MACROD2: variants seen among roughly 807,000 people sequenced by gnomAD.
MACROD2 encodes mono-ADP ribosylhydrolase 2, also known as ADP-ribose glycohydrolase MACROD2.
A neutral mutation model predicts 70.4 loss-of-function variants in MACROD2; 36 were observed. The observed-to-expected ratio is 0.51, with a 90% CI of 0.39 to 0.68. The LOEUF (loss-of-function observed/expected upper bound fraction) is 0.68, where lower values mean the gene tolerates loss of function less well. Ranked by LOEUF, MACROD2 falls within the 30% of genes least tolerant of loss-of-function variation. The pLI is 0.00. For synonymous variants in MACROD2, 172 were observed against 178.8 expected, an observed-to-expected ratio of 0.96 and a Z score of 0.30; for missense variants, 496 against 538.4, an observed-to-expected ratio of 0.92 and a Z score of 0.78.
At chr20:14,825,362 C>T (rs2072889800) in intron 5 of MACROD2, among the ~76,000 whole-genome samples, 1 of 152,066 alleles carries the variant, frequency 6.6e-6, no homozygotes, top group East Asian at 1.9e-4. Flanking sequence ...TGACCAGTGA[C>T]AACAGTGTCC....
chr20:15,767,766 A>G (rs1378961427), intron 8 of MACROD2, among the ~76,000 whole-genome samples: 1 of 152,134 alleles, frequency 6.6e-6, no homozygotes, highest in East Asian at 1.9e-4. Flanking sequence ...CTCTGGACTC[A>G]TTTTTATTTC....
At chr20:15,707,705 C>A (rs1189095881) in intron 8 of MACROD2, among the ~76,000 whole-genome samples, 1 of 151,966 alleles carries the variant, frequency 6.6e-6, no homozygotes, top group African/African-American at 2.4e-5. Flanking sequence ...ATCACTTGAA[C>A]CTGGGAGGCA....
chr20:15,430,161 AC>A (rs2046346707), intron 6 of MACROD2, among the ~76,000 whole-genome samples: 2 of 151,868 alleles, frequency 1.3e-5, no homozygotes, highest in African/African-American at 4.8e-5. Flanking sequence ...CCAGTTCTCC[AC>A]TGATGGACAC....
At chr20:14,975,497 C>T (rs1371051603) in intron 5 of MACROD2, among the ~76,000 whole-genome samples, 3 of 151,850 alleles carry the variant, frequency 2.0e-5, no homozygotes, top group Non-Finnish European at 1.5e-5. Flanking sequence ...AGGGTACCTT[C>T]GACAGGTGGG....
rs570304482 is a variant in MACROD2 at position 15,015,247 on chromosome 20, A to C, written c.419-214693A>C. The stretch of plus-strand genomic sequence containing the variant: ...TTTAACATTTGGCTTCTTCAGAGGA[A>C]CTGCAACCAAACTTTAAATTACAGA... On this transcript the variant is annotated intron_variant, in intron 5 of 17. Coordinates refer to ENST00000684519, the MANE Select transcript of MACROD2 (RefSeq NM_001351661.2). 4.6e-5 allele frequency among the ~76,000 whole-genome samples: 7 copies of C among 152,208 alleles called. No homozygotes were observed. In the East Asian group the frequency reaches 1.3e-3, roughly 29 times the overall value.
At chr20:14,757,943 C>G (rs774371481) in intron 5 of MACROD2, 1 of 1,012,370 alleles carries the variant, frequency 9.9e-7, no homozygotes, top group Admixed American at 1.7e-5. Context: ...TACCTACAGA[C>G]GGAGTGCTGT....
At chr20:14,557,758 A>C (rs563228861) in intron 4 of MACROD2, among the ~76,000 whole-genome samples, 4 of 151,948 alleles carry the variant, frequency 2.6e-5, no homozygotes, top group African/African-American at 9.6e-5. Context: ...AAATTAGAAC[A>C]CTTACCCATT....
At chr20:15,236,977 C>G (rs1409969958) in intron 6 of MACROD2, among the ~76,000 whole-genome samples, 1 of 151,982 alleles carries the variant, frequency 6.6e-6, no homozygotes. Context: ...CCTCTAGGGA[C>G]CATTTTGTGA....
chr20:15,809,874 T>TA (rs1555782137), intron 8 of MACROD2, among the ~76,000 whole-genome samples: 148 of 151,662 alleles, frequency 9.8e-4, no homozygotes, highest in African/African-American at 3.6e-3. Context: ...TTTTTTTTTT[T>TA]TTATTATACT....
intron 12 of MACROD2, among the ~76,000 whole-genome samples, chr20:15,965,799 A>G (rs955688895): frequency 3.3e-5 from 5 of 152,194 alleles, no homozygotes; most frequent in African/African-American, 1.2e-4. Flanking sequence ...GACATAAGTT[A>G]GATAACAGTT....
At chr20:15,652,464 T>C (rs748278290) in intron 8 of MACROD2, among the ~76,000 whole-genome samples, 1 of 152,158 alleles carries the variant, frequency 6.6e-6, no homozygotes, top group Non-Finnish European at 1.5e-5. Context: ...CAGTCAGTAA[T>C]ATAGAAAAGA....
chr20:15,833,713 C>T (rs1487806497), intron 8 of MACROD2, among the ~76,000 whole-genome samples: 1 of 152,180 alleles, frequency 6.6e-6, no homozygotes, highest in African/African-American at 2.4e-5. Context: ...ACTTGATTTA[C>T]CAAGCAGGAC....
chr20:14,704,268 C>T (rs748801591), intron 5 of MACROD2, among the ~76,000 whole-genome samples: 3 of 152,112 alleles, frequency 2.0e-5, no homozygotes, highest in Non-Finnish European at 2.9e-5. Flanking sequence ...GCCCTGTTGT[C>T]CCTGAATATA....
intron 13 of MACROD2, among the ~76,000 whole-genome samples, chr20:15,982,700 A>G (rs567688393): frequency 1.6e-3 from 245 of 152,316 alleles, no homozygotes; most frequent in African/African-American, 5.4e-3. Context: ...AGGGTGTTGC[A>G]AACTTCAATG....
intron 5 of MACROD2, among the ~76,000 whole-genome samples, chr20:15,195,988 C>A (rs895527115): frequency 1.3e-5 from 2 of 152,096 alleles, no homozygotes; most frequent in African/African-American, 4.8e-5. Flanking sequence ...GAACAGAAAA[C>A]CAAACACTGC....
chr20:15,037,473 C>T lies in MACROD2; in HGVS notation c.419-192467C>T, dbSNP rs112421654. Among the ~76,000 whole-genome samples, 684 of 152,270 alleles carry T rather than the reference C, an allele frequency of 4.5e-3. 5 individuals carry two copies. Among genetic ancestry groups the T allele is most frequent in the African/African-American group, 0.016 (649 of 41,538 alleles). On this transcript the variant is annotated intron_variant, in intron 5 of 17. Transcript: ENST00000684519. ...GAGCAGGTACTGCTGTTTATGGCCT[C>T]GCCTGAATGTTTGTGGTACAACTCT...
At chr20:16,032,326 G>A (rs1055265948) in intron 15 of MACROD2, among the ~76,000 whole-genome samples, 3 of 151,876 alleles carry the variant, frequency 2.0e-5, no homozygotes, top group Non-Finnish European at 2.9e-5. Flanking sequence ...GACAGGATCC[G>A]TACTCCAAAC....
chr20:14,852,572 T>A (rs993184308), intron 5 of MACROD2, among the ~76,000 whole-genome samples: 1 of 152,028 alleles, frequency 6.6e-6, no homozygotes, highest in Non-Finnish European at 1.5e-5. Flanking sequence ...TAACATCTGA[T>A]AAGCGAGCAG....
intron 8 of MACROD2, among the ~76,000 whole-genome samples, chr20:15,647,846 AG>A (rs1199341051): frequency 1.3e-5 from 2 of 151,870 alleles, no homozygotes; most frequent in Non-Finnish European, 1.5e-5. Context: ...CAGTCTCCCA[AG>A]TAGCTGGAAC....
Sources: allele counts gnomAD v4.1 joint callset (sites outside exome capture counted in the v4.1 genomes callset), GRCh38; gene constraint gnomAD v4.1.1; transcripts MANE v1.5; gene names NCBI Gene and HGNC (gene_info 2026-07-23, HGNC 2026-07-21).